The following CADPS2 variants were observed in gnomAD, a reference collection of about 807,000 sequenced individuals.
CADPS2 encodes calcium-dependent secretion activator 2.
A neutral mutation model predicts 172.5 loss-of-function variants in CADPS2; 93 were observed. The ratio of observed to expected loss-of-function variants is 0.54; its 90% CI spans 0.46 to 0.64. CADPS2 has a LOEUF of 0.64. Ranked by LOEUF, CADPS2 falls within the 30% of genes least tolerant of loss-of-function variation. CADPS2 has a pLI of 0.00. For missense variants in CADPS2, 1,420 were observed against 1,565.9 expected, an observed-to-expected ratio of 0.91 and a Z score of 1.57; for synonymous variants, 546 against 555.2, an observed-to-expected ratio of 0.98 and a Z score of 0.23.
intron 4 of CADPS2, among the ~76,000 whole-genome samples, chr7:122,626,091 G>A (rs1404031627): frequency 6.6e-6 from 1 of 152,184 alleles, no homozygotes; most frequent in Non-Finnish European, 1.5e-5. Context: ...GGAGGATAAA[G>A]TCAGAGGGGT....
intron 8 of CADPS2, among the ~76,000 whole-genome samples, chr7:122,540,024 T>C (rs976352426): frequency 6.6e-6 from 1 of 152,116 alleles, no homozygotes; most frequent in Non-Finnish European, 1.5e-5. Flanking sequence ...TTGTGTTAAG[T>C]TTACTGTTTA....
Position 122,886,328 on chromosome 7 carries a change from G to A in CADPS2, c.10C>T (p.Pro4Ser). Residue 4 changes from proline (P) to serine (S), a missense_variant, in exon 1 of 30, where the codon CCG becomes TCG. Pro to Ser is a moderately conservative substitution (Grantham distance 74). Coordinates refer to ENST00000449022, the MANE Select transcript of CADPS2 (RefSeq NM_017954.11). ...TCCGACTCCTCTTCGCTGGAAGACG[G>A]GTCCAGCATGGTGCTCGGGGATCCC... Reference protein sequence around the residue: MLDPSSSEEESDEG... With the variant: MLDSSSSEEESDEG... 6.7e-7 allele frequency: 1 copy of A among 1,499,944 alleles called. No individual in the cohort carries two copies. The highest frequency in any genetic ancestry group is 8.8e-7 in the Non-Finnish European group (1 of 1,133,362). 92.9% of individuals were successfully genotyped at this position (1,499,944 alleles called of 1,614,324 possible).
intron 3 of CADPS2, among the ~76,000 whole-genome samples, chr7:122,649,447 T>A (rs2078907617): frequency 6.6e-6 from 1 of 152,196 alleles, no homozygotes; most frequent in South Asian, 2.1e-4. Context: ...TCAGATGGGA[T>A]GTCAGGCCAG....
In CADPS2 at chr7:122,574,445, TAAAAAA is replaced by T. The variant is rs869077766; in HGVS notation, c.1335+6728_1335+6733del. ...TGGGTGATAGAGTGAGACCCTGTCTTAAAAAAAAAAAAAAAAAAAAAAAGTATATTT... is the reference window on the plus strand; with the variant it reads ...TGGGTGATAGAGTGAGACCCTGTCTTAAAAAAAAAAAAAAAAAGTATATTT... On this transcript the variant is annotated intron_variant, in intron 7 of 29. Transcript: ENST00000449022. Among the ~76,000 whole-genome samples, 17 of 37,978 alleles carry T rather than the reference TAAAAAA, an allele frequency of 4.5e-4. 1 individual carries two copies. The South Asian group carries it at 7.3e-3, about 16-fold the overall frequency. 24.9% of individuals were successfully genotyped at this position (37,978 alleles called of 152,430 possible).
chr7:122,669,486 G>A (rs2081553755), intron 2 of CADPS2, among the ~76,000 whole-genome samples: 1 of 151,760 alleles, frequency 6.6e-6, no homozygotes. Context: ...AAGAACCAGG[G>A]GATGGATAAA....
At chr7:122,510,338 A>G (rs766780845) in intron 9 of CADPS2, among the ~76,000 whole-genome samples, 4 of 152,182 alleles carry the variant, frequency 2.6e-5, no homozygotes, top group African/African-American at 2.4e-5. Context: ...CAGAATATAA[A>G]CAGAGACCAA....
intron 2 of CADPS2, among the ~76,000 whole-genome samples, chr7:122,716,676 A>T (rs2089657198): frequency 6.6e-6 from 1 of 152,140 alleles, no homozygotes; most frequent in African/African-American, 2.4e-5. Flanking sequence ...CTTAAAGTAT[A>T]ACAATTAAAA....
intron 1 of CADPS2, among the ~76,000 whole-genome samples, chr7:122,841,825 T>C (rs1296214419): frequency 1.5e-5 from 2 of 129,612 alleles, no homozygotes; most frequent in African/African-American, 5.3e-5. Context: ...TAGTACTGTA[T>C]TTTTTTTACC....
At chr7:122,852,429 A>T (rs1813915950) in intron 1 of CADPS2, among the ~76,000 whole-genome samples, 1 of 152,162 alleles carries the variant, frequency 6.6e-6, no homozygotes, top group South Asian at 2.1e-4. Context: ...GTATATTAAG[A>T]GGTAATTAGT....
At chr7:122,627,290 G>A (rs1034706752) in intron 4 of CADPS2, among the ~76,000 whole-genome samples, 2 of 152,242 alleles carry the variant, frequency 1.3e-5, no homozygotes, top group African/African-American at 4.8e-5. Flanking sequence ...AGCAAGGTCA[G>A]TCAATTGTTA....
intron 5 of CADPS2, among the ~76,000 whole-genome samples, chr7:122,618,946 T>A (rs1051745422): frequency 2.0e-5 from 3 of 152,294 alleles, no homozygotes; most frequent in Non-Finnish European, 4.4e-5. Flanking sequence ...AATATCTGCC[T>A]TAGATAGACA....
At chr7:122,568,887 A>T (rs1222682710) in intron 7 of CADPS2, among the ~76,000 whole-genome samples, 1 of 152,190 alleles carries the variant, frequency 6.6e-6, no homozygotes, top group East Asian at 1.9e-4. Context: ...TTAAGAGAAT[A>T]ACGAGAGCTA....
At chr7:122,518,731 C>T (rs1411924582) in intron 8 of CADPS2, among the ~76,000 whole-genome samples, 2 of 151,826 alleles carry the variant, frequency 1.3e-5, no homozygotes, top group Non-Finnish European at 2.9e-5. Context: ...ATGAGACCTG[C>T]CAAATACCAG....
intron 1 of CADPS2, among the ~76,000 whole-genome samples, chr7:122,839,704 G>A (rs13224091): frequency 0.2 from 29,901 of 152,068 alleles, 3,058 homozygotes; most frequent in Middle Eastern, 0.3. Flanking sequence ...GGTCATCAGA[G>A]AAATGCAAAT....
At chr7:122,341,053 C>T (rs2036702728) in intron 28 of CADPS2, among the ~76,000 whole-genome samples, 1 of 152,096 alleles carries the variant, frequency 6.6e-6, no homozygotes, top group South Asian at 2.1e-4. Context: ...TCAGTGGTCA[C>T]GTGAGAGGCA....
At chr7:122,642,985 G>A (rs2077850393) in intron 3 of CADPS2, among the ~76,000 whole-genome samples, 1 of 152,064 alleles carries the variant, frequency 6.6e-6, no homozygotes, top group South Asian at 2.1e-4. Flanking sequence ...GTAGATTAGG[G>A]TTTATGATGT....
chr7:122,390,192 C>A (rs2044196650), intron 22 of CADPS2, among the ~76,000 whole-genome samples: 2 of 152,036 alleles, frequency 1.3e-5, no homozygotes, highest in African/African-American at 4.8e-5. Context: ...TCACTTAAAT[C>A]TCTTCACCGT....
chr7:122,669,346 T>A (rs1253079010), intron 2 of CADPS2, among the ~76,000 whole-genome samples: 1 of 80,076 alleles, frequency 1.2e-5, no homozygotes, highest in Non-Finnish European at 2.4e-5. Flanking sequence ...AAAATATATA[T>A]ATATATATAT....
chr7:122,562,763 G>C (rs1458044694), intron 7 of CADPS2, among the ~76,000 whole-genome samples: 1 of 151,972 alleles, frequency 6.6e-6, no homozygotes, highest in Non-Finnish European at 1.5e-5. Context: ...CTTTGTGTGT[G>C]CTTATATCTT....
Sources: gnomAD v4.1 joint callset for allele counts (sites outside exome capture counted in the v4.1 genomes callset) on GRCh38, gnomAD v4.1.1 for gene constraint, MANE v1.5 for transcripts, NCBI Gene and HGNC (gene_info 2026-07-23, HGNC 2026-07-21) for gene names.